PDE4B: variants seen among roughly 807,000 people sequenced by gnomAD.
PDE4B encodes the protein 3',5'-cyclic-AMP phosphodiesterase 4B.
Under a neutral mutation model 82.2 loss-of-function variants are expected in PDE4B, and 20 were observed. That is an observed-to-expected ratio of 0.24 (90% confidence interval 0.17 to 0.35). PDE4B has a LOEUF of 0.35. Ranked by LOEUF, PDE4B falls within the 10% of genes least tolerant of loss-of-function variation. PDE4B has a pLI of 1.00. For synonymous variants in PDE4B, 320 were observed against 318.9 expected, an observed-to-expected ratio of 1.00 and a Z score of -0.04; for missense variants, 655 against 907.2, an observed-to-expected ratio of 0.72 and a Z score of 3.57.
chr1:65,922,211 A>G (rs1647273644), intron 3 of PDE4B, among the ~76,000 whole-genome samples: 1 of 152,252 alleles, frequency 6.6e-6, no homozygotes, highest in African/African-American at 2.4e-5. Context: ...CAAATGAACA[A>G]ACAATGGAGA....
chr1:65,813,416 G>GT (rs534638376), intron 1 of PDE4B, among the ~76,000 whole-genome samples: 1 of 152,124 alleles, frequency 6.6e-6, no homozygotes, highest in Non-Finnish European at 1.5e-5. Flanking sequence ...AGTTTTGAAC[G>GT]TGCAAGTTTG....
intron 3 of PDE4B, among the ~76,000 whole-genome samples, chr1:66,001,291 T>A (rs1277489384): frequency 6.6e-6 from 1 of 152,204 alleles, no homozygotes; most frequent in Non-Finnish European, 1.5e-5. Flanking sequence ...TGTTAGTGGT[T>A]TCTCTTATTT....
At chr1:66,197,376 A>C (rs985895213) in intron 3 of PDE4B, among the ~76,000 whole-genome samples, 1 of 152,124 alleles carries the variant, frequency 6.6e-6, no homozygotes, top group Admixed American at 6.6e-5. Context: ...CACTCCACTA[A>C]ACTAAAAGGC....
Position 66,354,833 on chromosome 1 carries a change from G to A in PDE4B, c.748-694G>A, listed in dbSNP as rs1375462288. The A allele has an allele frequency of 3.3e-6, 5 of 1,535,582 alleles. No individual in the cohort carries two copies. In the Admixed American group the frequency reaches 9.8e-5, roughly 30 times the overall value. On this transcript the variant is annotated intron_variant, in intron 8 of 16. Transcript: ENST00000341517. ...AAAGGGATTTGTGGATTGTGGCAAGGAGAGCATTCCAAAATGCCTGAGGCA... is the reference window on the plus strand; with the variant it reads ...AAAGGGATTTGTGGATTGTGGCAAGAAGAGCATTCCAAAATGCCTGAGGCA...
At chr1:66,275,029 A>G (rs1019798878) in intron 7 of PDE4B, among the ~76,000 whole-genome samples, 7 of 152,208 alleles carry the variant, frequency 4.6e-5, no homozygotes, top group Admixed American at 2.0e-4. Context: ...TCCAGCTCAT[A>G]CATGGGAAAG....
At chr1:65,834,660 T>C (rs1198158610) in intron 1 of PDE4B, among the ~76,000 whole-genome samples, 1 of 152,212 alleles carries the variant, frequency 6.6e-6, no homozygotes, top group Non-Finnish European at 1.5e-5. Context: ...AATACCATTT[T>C]GTAAATATGG....
At chr1:66,107,221 G>A (rs1157555858) in intron 3 of PDE4B, among the ~76,000 whole-genome samples, 1 of 151,966 alleles carries the variant, frequency 6.6e-6, no homozygotes, top group South Asian at 2.1e-4. Context: ...GGAGCAGTTT[G>A]TTCAGTTTCC....
At chr1:66,174,030 G>A (rs1646886298) in intron 3 of PDE4B, among the ~76,000 whole-genome samples, 1 of 152,164 alleles carries the variant, frequency 6.6e-6, no homozygotes, top group African/African-American at 2.4e-5. Flanking sequence ...CAAGCAGTCT[G>A]CCTGCCTTGG....
chr1:66,214,989 G>A (rs966795711), intron 3 of PDE4B, among the ~76,000 whole-genome samples: 1 of 152,096 alleles, frequency 6.6e-6, no homozygotes, highest in African/African-American at 2.4e-5. Context: ...AAAAAGTGAA[G>A]AGCAGTGGGT....
chr1:66,198,055 T>C (rs1483269824), intron 3 of PDE4B, among the ~76,000 whole-genome samples: 1 of 152,162 alleles, frequency 6.6e-6, no homozygotes, highest in Non-Finnish European at 1.5e-5. Flanking sequence ...AAGTACTCAG[T>C]TGCAAGAAGA....
chr1:66,088,452 A>T (rs1202425114), intron 3 of PDE4B, among the ~76,000 whole-genome samples: 1 of 152,062 alleles, frequency 6.6e-6, no homozygotes, highest in African/African-American at 2.4e-5. Context: ...GTCTGCCTGA[A>T]TCATGAATTC....
chr1:66,339,272 A>C (rs1660779372), intron 8 of PDE4B, among the ~76,000 whole-genome samples: 1 of 152,352 alleles, frequency 6.6e-6, no homozygotes, highest in South Asian at 2.1e-4. Flanking sequence ...TCATTGTTTC[A>C]GTTACTCTTT....
chr1:66,003,503 T>G (rs1202982632), intron 3 of PDE4B, among the ~76,000 whole-genome samples: 2 of 152,154 alleles, frequency 1.3e-5, no homozygotes, highest in African/African-American at 2.4e-5. Flanking sequence ...ATCCGCATAT[T>G]AAAAGCCAAT....
chr1:65,893,289 G>GA (rs1216208476), intron 1 of PDE4B, among the ~76,000 whole-genome samples: 4 of 151,920 alleles, frequency 2.6e-5, no homozygotes, highest in Admixed American at 2.0e-4. Flanking sequence ...TTTTTAATAA[G>GA]AAAAAACAGA....
At chr1:66,098,334 TC>T (rs1018580950) in intron 3 of PDE4B, among the ~76,000 whole-genome samples, 2 of 152,134 alleles carry the variant, frequency 1.3e-5, no homozygotes, top group African/African-American at 4.8e-5. Flanking sequence ...CTGTCTGGGT[TC>T]CCCATCTCTG....
At chr1:66,213,289 T>C (rs1462717631) in intron 3 of PDE4B, among the ~76,000 whole-genome samples, 2 of 152,170 alleles carry the variant, frequency 1.3e-5, no homozygotes, top group Non-Finnish European at 2.9e-5. Flanking sequence ...TCAGAGAGAA[T>C]ACCTTTTTAG....
At chr1:66,193,134 A>G (rs965344456) in intron 3 of PDE4B, among the ~76,000 whole-genome samples, 1 of 152,206 alleles carries the variant, frequency 6.6e-6, no homozygotes, top group Admixed American at 6.5e-5. Context: ...TCATGATCAT[A>G]TATGGAAAGA....
chr1:65,828,672 G>T (rs1226438468), intron 1 of PDE4B, among the ~76,000 whole-genome samples: 3 of 152,080 alleles, frequency 2.0e-5, no homozygotes, highest in African/African-American at 7.2e-5. Flanking sequence ...TGGGAGGGAG[G>T]AATTAGGAAT....
chr1:66,339,575 GC>G (rs1425642953), intron 8 of PDE4B, among the ~76,000 whole-genome samples: 1 of 152,164 alleles, frequency 6.6e-6, no homozygotes, highest in Non-Finnish European at 1.5e-5. Context: ...AGAGGACATT[GC>G]CTTTGATTGT....
Sources: allele counts gnomAD v4.1 joint callset (sites outside exome capture counted in the v4.1 genomes callset), GRCh38; gene constraint gnomAD v4.1.1; transcripts MANE v1.5; gene names NCBI Gene and HGNC (gene_info 2026-07-23, HGNC 2026-07-21).